DALRD3: variants seen among roughly 807,000 people sequenced by gnomAD.
The protein encoded by DALRD3 is DALR anticodon binding domain containing 3, also known as DALR anticodon-binding domain-containing protein 3.
DALRD3 carries 47 observed loss-of-function variants against 56.7 expected under a neutral mutation model. The ratio of observed to expected loss-of-function variants is 0.83; its 90% confidence interval spans 0.66 to 1.06. The LOEUF (loss-of-function observed/expected upper bound fraction) is 1.06. DALRD3 is among the 50% of genes least tolerant of loss of function. DALRD3 has a pLI of 0.00. For synonymous variants in DALRD3, 347 were observed against 308.5 expected, an observed-to-expected ratio of 1.12 and a Z score of -1.31; for missense variants, 787 against 724.0, an observed-to-expected ratio of 1.09 and a Z score of -1.00.
chr3:49,018,250 G>A lies in DALRD3; in HGVS notation c.234C>T (p.Cys78=). The A allele has an allele frequency of 1.4e-6, 2 of 1,437,256 alleles. No individual in the cohort carries two copies. Among genetic ancestry groups the A allele is most frequent in the African/African-American group, 1.5e-5 (1 of 67,412 alleles). The allele number at this position is 1,437,256 out of a possible 1,614,324, so 89.0% of individuals were successfully genotyped here. The change falls in exon 2 of 12, where the codon TGC becomes TGT. Residue 78 remains cysteine, a synonymous_variant. Transcript: ENST00000341949. ...GAGACAGACCCGCGGGGGTCGGCGC[G>A]CAGCGCAGCACCGGGGCCACACCGG... ...QGPGVAPVLR[C]APTPAGLSLQ...
At chr3:49,020,698 G>A, upstream of DALRD3, 1 of 489,094 alleles carries the variant, frequency 2.0e-6, no homozygotes, top group Non-Finnish European at 4.2e-6. Context: ...TCCGTTGCCC[G>A]CTGTCCAGCC....
rs762009069 is a variant in DALRD3, at chr3:49,017,253, A to C, written c.902T>G (p.Leu301Trp). The change falls in exon 5 of 12, where the codon TTG becomes TGG. Residue 301 changes from leucine to tryptophan, a missense_variant. Transcript: ENST00000341949. ...QQKLDLLWQKLVDKAPLRQKH... is the reference protein window; with the variant it reads ...QQKLDLLWQKWVDKAPLRQKH... ...CTGTCTGAGTGGAGCCTTGTCAACC[A>C]ACTTCTGCCAAAGCAGGTCCAACTT... 6.2e-7 allele frequency: 1 copy of C among 1,614,162 alleles called. No homozygotes were observed. The highest frequency in any genetic ancestry group is 8.5e-7 in the Non-Finnish European group (1 of 1,180,018).
At position 49,017,112 on chromosome 3, in the gene DALRD3, T is replaced by TC. The variant is rs201405770; in HGVS notation, c.927+115dup. ...TACATGCCCTCTCAAGTCCAGCAAC[T>TC]CCCCCAAGGTCAAGTGTTGGTTTCT... On this transcript the variant is annotated intron_variant, in intron 5 of 11. Coordinates refer to ENST00000341949, the MANE Select transcript of DALRD3 (RefSeq NM_001009996.3). 1.3e-3 allele frequency: 1,830 copies of TC among 1,456,828 alleles called. 23 individuals are homozygous for TC. In the African/African-American group the frequency reaches 0.022, roughly 18 times the overall value. The allele number at this position is 1,456,828 out of a possible 1,614,324, so 90.2% of individuals were successfully genotyped here.
At position 49,017,143 on chromosome 3, in the gene DALRD3, C is replaced by A. The variant is rs141235269; in HGVS notation, c.927+85G>T. 6 of 1,586,372 alleles carry A rather than the reference C, an allele frequency of 3.8e-6. No homozygotes were observed. The Admixed American group carries it at 8.5e-5, about 22-fold the overall frequency. On this transcript the variant is annotated intron_variant, in intron 5 of 11. Coordinates refer to ENST00000341949, the MANE Select transcript of DALRD3 (RefSeq NM_001009996.3). ...AAGGTCAAGTGTTGGTTTCTGTCAGCTAACAAGCCCCTCGGTGGGTTTTCA... is the reference window on the plus strand; with the variant it reads ...AAGGTCAAGTGTTGGTTTCTGTCAGATAACAAGCCCCTCGGTGGGTTTTCA...
upstream of DALRD3, chr3:49,018,676 G>T (rs933489753): frequency 1.2e-5 from 17 of 1,427,734 alleles, no homozygotes; most frequent in Admixed American, 4.1e-4. Flanking sequence ...AAGTGGACAG[G>T]TGCGCCAGTG....
upstream of DALRD3, chr3:49,020,216 G>A (rs991519440): frequency 3.7e-6 from 2 of 534,764 alleles, no homozygotes; most frequent in Non-Finnish European, 7.7e-6. Flanking sequence ...GAGTGATCGT[G>A]TCATTCCAAA....
At position 49,018,453 on chromosome 3, in the gene DALRD3, G is replaced by T; in HGVS notation, c.112C>A (p.Arg38=). Residue 38 remains arginine (R), a synonymous_variant, in exon 1 of 12, where the codon CGA becomes AGA. Coordinates refer to ENST00000341949, the MANE Select transcript of DALRD3 (RefSeq NM_001009996.3). ...GCGCGGTGCGGTGCCAGAAAGTCTC[G>T]GGAACGCAGGTGGCGGGTGCGCGTC... ...KETRTRHLRS[R]DFLAPHRALQ... is the part of the protein sequence containing the mutation. The T allele has an allele frequency of 1.3e-6, 2 of 1,589,216 alleles. No individual in the cohort carries two copies. The highest frequency in any genetic ancestry group is 2.3e-5 in the East Asian group (1 of 43,496).
rs2093099917 is a variant in DALRD3, at chr3:49,017,418, G to A, written c.798+16C>T. Reference sequence around the variant, plus strand: ...TACTTGGTTTGGGAGAACCTACAGGGCTGGGAGTCACTAACCAGGCCTGGG... The same window carrying A: ...TACTTGGTTTGGGAGAACCTACAGGACTGGGAGTCACTAACCAGGCCTGGG... On this transcript the variant is annotated intron_variant, in intron 4 of 11. Transcript: ENST00000341949. The A allele has an allele frequency of 1.9e-6, 3 of 1,614,044 alleles. No homozygotes were observed. Among genetic ancestry groups the A allele is most frequent in the Non-Finnish European group, 2.5e-6 (3 of 1,180,038 alleles).
At chr3:49,016,901 C>T in intron 5 of DALRD3, 54 bp from the exon 6 acceptor site, 1 of 1,603,014 alleles carries the variant, frequency 6.2e-7, no homozygotes, top group Non-Finnish European at 8.5e-7. Context: ...TCCAGGAAGT[C>T]CCTTGAGGAG....
At position 49,018,177 on chromosome 3, in the gene DALRD3, C is replaced by T; in HGVS notation, c.307G>A (p.Ala103Thr). Residue 103 changes from alanine to threonine, a missense_variant, in exon 2 of 12, where the codon GCC (alanine) becomes ACC (threonine). Ala to Thr is a moderately conservative substitution (Grantham distance 58). Transcript: ENST00000341949. ...AVFERVLSAV[A>T]AYATPASPAS... ...GGCGAGGCGGGCGTGGCATAGGCGG[C>T]CACGGCGCTGAGGACGCGCTCGAAG... 1.4e-6 allele frequency: 2 copies of T among 1,450,614 alleles called. No individual in the cohort carries two copies. The highest frequency in any genetic ancestry group is 1.8e-6 in the Non-Finnish European group (2 of 1,113,242). The allele number at this position is 1,450,614 out of a possible 1,614,324, so 89.9% of individuals were successfully genotyped here.
chr3:49,018,782 C>A, upstream of DALRD3: 2 of 985,480 alleles, frequency 2.0e-6, no homozygotes, highest in Non-Finnish European at 2.4e-6. Flanking sequence ...TCTCGGGGCC[C>A]TCCCTGGGCC....
At position 49,018,104 on chromosome 3, in the gene DALRD3, C is replaced by A; in HGVS notation, c.380G>T (p.Ser127Ile). ...GCTCAAGCGGAGTGCGCAGGGGGAGCTGCGCAGTGCTGGGCAGTGTAGTAA... is the reference window on the plus strand; with the variant it reads ...GCTCAAGCGGAGTGCGCAGGGGGAGATGCGCAGTGCTGGGCAGTGTAGTAA... Reference protein sequence around the residue: ...RVLLHCPALRSSPCALRLSQL... With the variant: ...RVLLHCPALRISPCALRLSQL... The change falls in exon 2 of 12, where the codon AGC becomes ATC. Residue 127 changes from serine (S) to isoleucine (I), a missense_variant. Ser to Ile is a moderately radical substitution (Grantham distance 142, BLOSUM62 -2). Coordinates refer to ENST00000341949, the MANE Select transcript of DALRD3 (RefSeq NM_001009996.3). The A allele has an allele frequency of 2.0e-6, 3 of 1,482,672 alleles. No homozygotes were observed. 91.8% of individuals were successfully genotyped at this position (1,482,672 alleles called of 1,614,324 possible).
chr3:49,018,459 G>C lies in DALRD3; in HGVS notation c.106C>G (p.Arg36Gly), dbSNP rs1357075927. Residue 36 changes from arginine (R) to glycine (G), a missense_variant, in exon 1 of 12, where the codon CGT (arginine) becomes GGT (glycine). Physicochemically the swap from Arg to Gly is moderately radical, Grantham distance 125 (BLOSUM62 -2). Transcript: ENST00000341949. ...TGCGGTGCCAGAAAGTCTCGGGAAC[G>C]CAGGTGGCGGGTGCGCGTCTCCTTG... Reference protein sequence around the residue: ...WIKETRTRHLRSRDFLAPHRA... With the variant: ...WIKETRTRHLGSRDFLAPHRA... 6.3e-7 allele frequency: 1 copy of C among 1,589,626 alleles called. No individual in the cohort carries two copies. The highest frequency in any genetic ancestry group is 1.3e-5 in the African/African-American group (1 of 74,512).
Position 49,018,382 on chromosome 3 carries a change from C to A in DALRD3, c.165+18G>T. ...GGCCCATCTCCCGGCCGCACGGCCCCGCCCGGCTCACGCCCACCTGGCCGT... is the reference window on the plus strand; with the variant it reads ...GGCCCATCTCCCGGCCGCACGGCCCAGCCCGGCTCACGCCCACCTGGCCGT... On this transcript the variant is annotated intron_variant, in intron 1 of 11. Transcript: ENST00000341949. 1 of 1,547,022 alleles carries A rather than the reference C, an allele frequency of 6.5e-7. No individual in the cohort carries two copies. The highest frequency in any genetic ancestry group is 2.4e-5 in the East Asian group (1 of 41,036).
chr3:49,016,261 CG>C lies in DALRD3; in HGVS notation c.1225del (p.Arg409ValfsTer24). 6.2e-7 allele frequency: 1 copy of C among 1,614,064 alleles called. No individual in the cohort carries two copies. Among genetic ancestry groups the C allele is most frequent in the South Asian group, 1.1e-5 (1 of 91,076 alleles). On this transcript the variant is annotated frameshift_variant, in exon 9 of 12. Transcript: ENST00000341949. LOFTEE classifies it high-confidence loss of function. The stretch of plus-strand genomic sequence containing the variant: ...GTAACTCTCAAAGAGTGTGGCAAGA[CG>C]GGCACAATTATACATGACAAAGGTG... Reference protein sequence around the residue: ...SGTFVMYNCARLATLFESYKC... With the variant: ...SGTFVMYNCAXLATLFESYKC...
At chr3:49,016,390 T>C (rs558535236) in intron 8 of DALRD3, 39 bp downstream of exon 8, 6 of 1,606,254 alleles carry the variant, frequency 3.7e-6, no homozygotes, top group East Asian at 4.5e-5. Context: ...CACCACACCC[T>C]GTGCCCCAAC....
chr3:49,015,507 A>G lies in DALRD3; in HGVS notation c.*81T>C. 6.3e-7 allele frequency: 1 copy of G among 1,591,328 alleles called. No individual in the cohort carries two copies. ...CAGAACTTTGTAACAAACAGTACCA[A>G]TTTATTTTGGCCGTGGGTTTTTGCT... On this transcript the variant is annotated 3_prime_UTR_variant, in exon 12 of 12. Coordinates refer to ENST00000341949, the MANE Select transcript of DALRD3 (RefSeq NM_001009996.3).
At position 49,018,220 on chromosome 3, in the gene DALRD3, T is replaced by C; in HGVS notation, c.264A>G (p.Gln88=). The part of the protein sequence containing the change: ...CAPTPAGLSL[Q]LQRSAVFERV... ...GCTCGAAGACGGCGGACCGCTGCAGTTGGAGAGACAGACCCGCGGGGGTCG... is the reference window on the plus strand; with the variant it reads ...GCTCGAAGACGGCGGACCGCTGCAGCTGGAGAGACAGACCCGCGGGGGTCG... Residue 88 remains glutamine (Q), a synonymous_variant, in exon 2 of 12, where the codon CAA becomes CAG. Transcript: ENST00000341949. 5 of 1,441,670 alleles carry C rather than the reference T, an allele frequency of 3.5e-6. No homozygotes were observed. Among genetic ancestry groups the C allele is most frequent in the South Asian group, 1.5e-5 (1 of 68,022 alleles). 89.3% of individuals were successfully genotyped at this position (1,441,670 alleles called of 1,614,324 possible). A position where few individuals can be genotyped will look rare whatever the true frequency, so the allele number is the denominator to read the frequency against.
rs1373962573 is a variant in DALRD3 at position 49,017,713 on chromosome 3, C to G, written c.618G>C (p.Arg206Ser). The change falls in exon 3 of 12, where the codon AGG becomes AGC. Residue 206 changes from arginine (R) to serine (S), a missense_variant. Transcript: ENST00000341949. ...TGCCTAGGATGCCAGGGGACAGTGT[C>G]CTCCCGTCATTAGCAGAGGTAAGTT... ...LEELTSANDG[R>S]TLSPGILGRL... is the part of the protein sequence containing the mutation. 6.2e-7 allele frequency: 1 copy of G among 1,614,146 alleles called. No homozygotes were observed.
Sources: allele counts gnomAD v4.1 joint callset, GRCh38; gene constraint gnomAD v4.1.1; transcripts MANE v1.5; gene names NCBI Gene and HGNC (gene_info 2026-07-23, HGNC 2026-07-21).